KDSR: variants seen among roughly 807,000 people sequenced by gnomAD.
The protein encoded by KDSR is 3-dehydrosphinganine reductase.
A neutral mutation model predicts 41.3 loss-of-function variants in KDSR; 23 were observed. The ratio of observed to expected loss-of-function variants is 0.56; its 90% confidence interval spans 0.40 to 0.79. The LOEUF (loss-of-function observed/expected upper bound fraction) is 0.79, where lower values mean the gene tolerates loss of function less well. Among genes scored for constraint, KDSR ranks in the 30% least tolerant of loss-of-function variants. KDSR has a pLI of 0.00. For synonymous variants in KDSR, 138 were observed against 151.7 expected, an observed-to-expected ratio of 0.91 and a Z score of 0.66; for missense variants, 351 against 416.8, an observed-to-expected ratio of 0.84 and a Z score of 1.37.
At chr18:63,333,488 T>A (rs1449532699) in intron 9 of KDSR, among the ~76,000 whole-genome samples, 1 of 152,192 alleles carries the variant, frequency 6.6e-6, no homozygotes, top group Non-Finnish European at 1.5e-5. Flanking sequence ...GTGGAAAATG[T>A]GAGGGTACAC....
chr18:63,357,828 C>T (rs1187820762), intron 3 of KDSR, among the ~76,000 whole-genome samples: 3 of 151,998 alleles, frequency 2.0e-5, no homozygotes, highest in African/African-American at 7.2e-5. Context: ...TTGCCCGTCT[C>T]GGCCTCTCAA....
rs547798387 is a variant in KDSR at position 63,331,112 on chromosome 18, C to A, written c.*670G>T. 8.6e-6 allele frequency: 2 copies of A among 233,134 alleles called. No individual in the cohort carries two copies. The highest frequency in any genetic ancestry group is 5.6e-5 in the Admixed American group (1 of 17,786). 14.4% of individuals were successfully genotyped at this position (233,134 alleles called of 1,614,324 possible). A position where few individuals can be genotyped will look rare whatever the true frequency, so the allele number is the denominator to read the frequency against. ...TTCCCATTGCACTGCCCTCTCCCGT[C>A]CCCCTCGTAGCTTTATGGGATCAAA... On this transcript the variant is annotated 3_prime_UTR_variant, in exon 10 of 10. Transcript: ENST00000645214.
rs867074771 is a variant in KDSR, at chr18:63,331,302, C to G, written c.*480G>C. 152 of 218,510 alleles carry G rather than the reference C, an allele frequency of 7.0e-4. No individual in the cohort carries two copies. The highest frequency in any genetic ancestry group is 3.9e-3 in the Middle Eastern group (3 of 768). 13.5% of individuals were successfully genotyped at this position (218,510 alleles called of 1,614,324 possible). A position where few individuals can be genotyped will look rare whatever the true frequency, so the allele number is the denominator to read the frequency against. On this transcript the variant is annotated 3_prime_UTR_variant, in exon 10 of 10. Transcript: ENST00000645214. The stretch of plus-strand genomic sequence containing the variant: ...AGAGAGAGACAGAGAGACAGAGAGA[C>G]AGAGAGACAGAGAGACAGAGAGACA...
chr18:63,332,952 G>A (rs920831481), intron 9 of KDSR, among the ~76,000 whole-genome samples: 3 of 151,836 alleles, frequency 2.0e-5, no homozygotes, highest in African/African-American at 4.8e-5. Flanking sequence ...GGTGAGACCT[G>A]AAGGATTAGA....
chr18:63,339,753 G>T (rs748529203), intron 7 of KDSR, among the ~76,000 whole-genome samples: 1 of 152,094 alleles, frequency 6.6e-6, no homozygotes, highest in African/African-American at 2.4e-5. Flanking sequence ...TTTTCTTTGC[G>T]ATGTCTTGCA....
At chr18:63,332,838 A>G (rs1322630170) in intron 9 of KDSR, among the ~76,000 whole-genome samples, 36 of 151,250 alleles carry the variant, frequency 2.4e-4, no homozygotes, top group African/African-American at 8.2e-4. Flanking sequence ...TCTCAAAAAA[A>G]AAAAAAAAAA....
chr18:63,357,570 A>G (rs1365190797), intron 3 of KDSR, among the ~76,000 whole-genome samples: 1 of 74,368 alleles, frequency 1.3e-5, no homozygotes, highest in African/African-American at 4.7e-5. Context: ...ATACATACAT[A>G]CATATATATA....
intron 1 of KDSR, among the ~76,000 whole-genome samples, chr18:63,363,202 ATTTTCTTTTTTT>A (rs67907990): frequency 0.056 from 7,125 of 126,440 alleles, 299 homozygotes; most frequent in East Asian, 0.29. Flanking sequence ...AATGAATCTT[ATTTTCTTTTTTT>A]TTTTCTTTTT....
In KDSR at chr18:63,350,909, C is replaced by CGATT; in HGVS notation, c.587_588insAATC (p.Ala197IlefsTer13). 6.2e-7 allele frequency: 1 copy of CGATT among 1,612,868 alleles called. No homozygotes were observed. Among genetic ancestry groups the CGATT allele is most frequent in the Non-Finnish European group, 8.5e-7 (1 of 1,179,370 alleles). ...TTACCTCCATCTGCAAAGCTTCTGC[C>CGATT]AATCCCCTTATGGCAAACTTGGATG... On this transcript the variant is annotated frameshift_variant, in exon 6 of 10. Transcript: ENST00000645214. LOFTEE classifies it high-confidence loss of function.
chr18:63,363,618 T>A (rs1568073758), intron 1 of KDSR, among the ~76,000 whole-genome samples: 1 of 152,082 alleles, frequency 6.6e-6, no homozygotes, highest in Non-Finnish European at 1.5e-5. Context: ...ATCCAGTCTA[T>A]CATTGTTGGA....
In KDSR at chr18:63,355,487, C is replaced by T. The variant is rs1478908879; in HGVS notation, c.321+11G>A. 1.9e-6 allele frequency: 3 copies of T among 1,613,028 alleles called. No homozygotes were observed. The highest frequency in any genetic ancestry group is 2.5e-6 in the Non-Finnish European group (3 of 1,179,784). On this transcript the variant is annotated intron_variant, in intron 4 of 9. Coordinates refer to ENST00000645214, the MANE Select transcript of KDSR (RefSeq NM_002035.4). Reference sequence around the variant, plus strand: ...GCACATTGGTGAATTCCAATTAGCCCAACCTCTTACTTGTTTTATGACATT... The same window carrying T: ...GCACATTGGTGAATTCCAATTAGCCTAACCTCTTACTTGTTTTATGACATT...
chr18:63,335,722 A>G (rs531449009), intron 8 of KDSR: 6 of 161,930 alleles, frequency 3.7e-5, no homozygotes, highest in Admixed American at 6.4e-5. Context: ...TGTCACCTCT[A>G]CTACCACACG....
intron 6 of KDSR, among the ~76,000 whole-genome samples, chr18:63,347,765 A>G (rs966979531): frequency 6.6e-6 from 1 of 152,094 alleles, no homozygotes; most frequent in Non-Finnish European, 1.5e-5. Context: ...CCACATCTTT[A>G]GCTATAACCC....
At position 63,335,315 on chromosome 18, in the gene KDSR, A is replaced by G; in HGVS notation, c.821T>C (p.Leu274Pro). ...NSSLGSDGYM[L>P]SALTCGMAPV... is the part of the protein sequence containing the mutation. ...AGCCATCCCACAGGTCAGGGCCGAGAGCATGTACCCATCTGAGCCAAGGGA... is the reference window on the plus strand; with the variant it reads ...AGCCATCCCACAGGTCAGGGCCGAGGGCATGTACCCATCTGAGCCAAGGGA... Residue 274 changes from leucine to proline, a missense_variant, in exon 9 of 10, where the codon CTC (leucine) becomes CCC (proline). Transcript: ENST00000645214. The G allele has an allele frequency of 6.2e-7, 1 of 1,614,106 alleles. No individual in the cohort carries two copies. The highest frequency in any genetic ancestry group is 8.5e-7 in the Non-Finnish European group (1 of 1,179,974).
intron 6 of KDSR, among the ~76,000 whole-genome samples, chr18:63,348,455 AT>A (rs1369911647): frequency 1.3e-5 from 2 of 152,198 alleles, no homozygotes; most frequent in Non-Finnish European, 2.9e-5. Flanking sequence ...GGACACAATA[AT>A]TGGTTTGATG....
chr18:63,363,218 T>C (rs1915041649), intron 1 of KDSR, among the ~76,000 whole-genome samples: 3 of 137,680 alleles, frequency 2.2e-5, no homozygotes, highest in African/African-American at 5.4e-5. Flanking sequence ...TTTTTTTTTT[T>C]CTTTTTTTTT....
At chr18:63,352,884 A>G (rs1914693611) in intron 5 of KDSR, among the ~76,000 whole-genome samples, 1 of 151,832 alleles carries the variant, frequency 6.6e-6, no homozygotes, top group African/African-American at 2.4e-5. Context: ...AAAATGTTCT[A>G]AGCCGGGCAC....
At position 63,335,320 on chromosome 18, in the gene KDSR, G is replaced by T; in HGVS notation, c.816C>A (p.Tyr272Ter). The T allele has an allele frequency of 6.2e-7, 1 of 1,613,952 alleles. No individual in the cohort carries two copies. Among genetic ancestry groups the T allele is most frequent in the Non-Finnish European group, 8.5e-7 (1 of 1,179,870 alleles). The change falls in exon 9 of 10, where the codon TAC becomes TAA. Residue 272 changes from tyrosine (Y) to a stop codon, truncating the protein, a stop_gained. Transcript: ENST00000645214. LOFTEE classifies it high-confidence loss of function. ...TCCCACAGGTCAGGGCCGAGAGCATGTACCCATCTGAGCCAAGGGAACTGT... is the reference window on the plus strand; with the variant it reads ...TCCCACAGGTCAGGGCCGAGAGCATTTACCCATCTGAGCCAAGGGAACTGT... Reference protein sequence around the residue: ...NFNSSLGSDGYMLSALTCGMA... With the variant: ...NFNSSLGSDG
At chr18:63,357,571 C>CATAT (rs1174877359) in intron 3 of KDSR, among the ~76,000 whole-genome samples, 29 of 128,594 alleles carry the variant, frequency 2.3e-4, no homozygotes, top group East Asian at 1.1e-3. Flanking sequence ...TACATACATA[C>CATAT]ATATATATAT....
Sources: gnomAD v4.1 joint callset for allele counts (sites outside exome capture counted in the v4.1 genomes callset) on GRCh38, gnomAD v4.1.1 for gene constraint, MANE v1.5 for transcripts, NCBI Gene and HGNC (gene_info 2026-07-23, HGNC 2026-07-21) for gene names.